Variants in SYT6 observed in about 807,000 individuals in gnomAD.
SYT6 encodes synaptotagmin 6.
In SYT6, 24 loss-of-function variants were observed where a neutral mutation model predicts 38.4. The ratio of observed to expected loss-of-function variants is 0.62; its 90% CI spans 0.45 to 0.88. The LOEUF (loss-of-function observed/expected upper bound fraction) is 0.88. Among genes scored for constraint, SYT6 ranks in the 40% least tolerant of loss-of-function variants. The pLI is 0.00. For synonymous variants in SYT6, 265 were observed against 241.9 expected (o/e 1.10, Z -0.89); for missense variants, 611 against 621.0 (o/e 0.98, Z 0.17).
intron 1 of SYT6, chr1:114,153,075 G>A (rs929318251): frequency 2.1e-5 from 3 of 141,860 alleles, no homozygotes; most frequent in Non-Finnish European, 3.1e-5. Flanking sequence ...GAGACACCCG[G>A]ACACAAAGAC....
In SYT6 at chr1:114,153,670, C is replaced by G. The variant is rs1046872220; in HGVS notation, c.103G>C (p.Glu35Gln). The G allele has an allele frequency of 8.2e-5, 55 of 670,484 alleles. 5 individuals are homozygous for G. The highest frequency in any genetic ancestry group is 3.8e-5 in the African/African-American group (2 of 52,894). 41.5% of individuals were successfully genotyped at this position (670,484 alleles called of 1,614,324 possible). A position where few individuals can be genotyped will look rare whatever the true frequency, so the allele number is the denominator to read the frequency against. Reference sequence around the variant, plus strand: ...TGCAGCTCGAAGCTCCGACAAGTCTCCACGTCCAGCCCGAGAGGGGGCGGC... The same window carrying G: ...TGCAGCTCGAAGCTCCGACAAGTCTGCACGTCCAGCCCGAGAGGGGGCGGC... ...ARPPPLGLDV[E>Q]TCRSFELQPP... The change falls in exon 1 of 8, where the codon GAG (glutamate) becomes CAG (glutamine). Residue 35 changes from glutamate to glutamine, a missense_variant. Glu to Gln is a conservative substitution (Grantham distance 29). Coordinates refer to ENST00000610222, the MANE Select transcript of SYT6 (RefSeq NM_001253772.2).
chr1:114,111,265 C>T (rs573307987), intron 3 of SYT6, among the ~76,000 whole-genome samples: 2 of 152,288 alleles, frequency 1.3e-5, no homozygotes, highest in South Asian at 2.1e-4. Flanking sequence ...AGTGCTTATA[C>T]GTATGATGTC....
chr1:114,135,311 A>T (rs915933628), intron 3 of SYT6, among the ~76,000 whole-genome samples: 2 of 152,080 alleles, frequency 1.3e-5, no homozygotes, highest in South Asian at 2.1e-4. Flanking sequence ...AACTCTAAGG[A>T]TCCTGCAACC....
intron 3 of SYT6, among the ~76,000 whole-genome samples, chr1:114,119,335 C>G (rs1217787159): frequency 6.6e-6 from 1 of 152,196 alleles, no homozygotes; most frequent in African/African-American, 2.4e-5. Context: ...GGATGCAAGG[C>G]CAGGGTTCAG....
chr1:114,146,350 T>C (rs1005446002), intron 1 of SYT6, among the ~76,000 whole-genome samples: 3 of 152,216 alleles, frequency 2.0e-5, no homozygotes, highest in Admixed American at 1.3e-4. Flanking sequence ...GCTGTAGGCT[T>C]CTGTACAGCC....
chr1:114,114,711 C>T (rs535664312), intron 3 of SYT6, among the ~76,000 whole-genome samples: 39 of 152,306 alleles, frequency 2.6e-4, no homozygotes, highest in African/African-American at 7.2e-4. Context: ...AGCCTCAGTT[C>T]GTGATATAAG....
chr1:114,117,835 C>G lies in SYT6; in HGVS notation c.1072-14114G>C, dbSNP rs954472099. On this transcript the variant is annotated intron_variant, in intron 3 of 7. Coordinates refer to ENST00000610222, the MANE Select transcript of SYT6 (RefSeq NM_001253772.2). The stretch of plus-strand genomic sequence containing the variant: ...CCTCCCTGAGCTGTGCATCCTCAGC[C>G]GTAAAATGAGAGCATTGTACCAGAT... Among the ~76,000 whole-genome samples the G allele has an allele frequency of 2.6e-5, 4 of 152,140 alleles. 1 individual carries two copies. The highest frequency in any genetic ancestry group is 9.7e-5 in the African/African-American group (4 of 41,426).
chr1:114,102,951 G>T (rs1676055684), intron 4 of SYT6, among the ~76,000 whole-genome samples: 1 of 152,196 alleles, frequency 6.6e-6, no homozygotes, highest in Non-Finnish European at 1.5e-5. Context: ...CGTCCATCCT[G>T]CAGGTCTCTG....
chr1:114,109,952 G>A (rs1242356953), intron 3 of SYT6, among the ~76,000 whole-genome samples: 1 of 152,178 alleles, frequency 6.6e-6, no homozygotes, highest in Non-Finnish European at 1.5e-5. Flanking sequence ...CACAGAAGGG[G>A]CAGGGAGTGT....
intron 1 of SYT6, among the ~76,000 whole-genome samples, chr1:114,145,590 G>A (rs1418935756): frequency 6.7e-6 from 1 of 150,268 alleles, no homozygotes; most frequent in African/African-American, 2.5e-5. Context: ...TTATCCTAGT[G>A]GGCTCACCAG....
chr1:114,138,322 T>C (rs1213667010), intron 2 of SYT6, among the ~76,000 whole-genome samples: 1 of 151,740 alleles, frequency 6.6e-6, no homozygotes. Flanking sequence ...TCATAATCAC[T>C]TTTTCCTGCT....
At chr1:114,142,313 G>A (rs957825891) in intron 1 of SYT6, among the ~76,000 whole-genome samples, 2 of 152,184 alleles carry the variant, frequency 1.3e-5, no homozygotes, top group Admixed American at 6.5e-5. Flanking sequence ...GGCTTTGAGG[G>A]GTTCAAGACC....
chr1:114,107,005 A>C (rs1676364410), intron 3 of SYT6, among the ~76,000 whole-genome samples: 2 of 152,300 alleles, frequency 1.3e-5, no homozygotes, highest in Admixed American at 6.5e-5. Context: ...GTGGTTCTTC[A>C]CGCAGTGTTA....
intron 4 of SYT6, 137 bp from the exon 5 acceptor site, chr1:114,099,402 A>G: frequency 1.2e-6 from 1 of 828,850 alleles, no homozygotes. Flanking sequence ...TAAAATAATT[A>G]AACCACCTTG....
chr1:114,137,846 A>G lies in SYT6; in HGVS notation c.720T>C (p.Asp240=). 2 of 1,613,958 alleles carry G rather than the reference A, an allele frequency of 1.2e-6. No individual in the cohort carries two copies. Among genetic ancestry groups the G allele is most frequent in the Middle Eastern group, 3.3e-4 (2 of 6,062 alleles). Reference sequence around the variant, plus strand: ...GCACAATCAGGGTCTCGGTCTCGTAATCGTAGCGTAGGCTGAAGTTGATCT... The same window carrying G: ...GCACAATCAGGGTCTCGGTCTCGTAGTCGTAGCGTAGGCTGAAGTTGATCT... ...CGKINFSLRY[D]YETETLIVRI... is the part of the protein sequence containing the mutation. Residue 240 remains aspartate (D), a synonymous_variant, in exon 3 of 8, where the codon GAT becomes GAC. Transcript: ENST00000610222.
intron 3 of SYT6, among the ~76,000 whole-genome samples, chr1:114,130,313 C>T (rs1053720392): frequency 2.0e-5 from 3 of 152,258 alleles, no homozygotes; most frequent in Non-Finnish European, 4.4e-5. Flanking sequence ...ACTTTGTTGA[C>T]TGCTGCATCC....
intron 3 of SYT6, among the ~76,000 whole-genome samples, chr1:114,126,165 C>A (rs1396896310): frequency 2.0e-5 from 3 of 152,168 alleles, no homozygotes; most frequent in Non-Finnish European, 4.4e-5. Flanking sequence ...GACTCCCAAC[C>A]ACCCCAAGCA....
rs1463597301 is a variant in SYT6, at chr1:114,153,765, C to G, written c.8G>C (p.Gly3Ala). 1 of 679,330 alleles carries G rather than the reference C, an allele frequency of 1.5e-6. No individual in the cohort carries two copies. The highest frequency in any genetic ancestry group is 2.7e-6 in the Non-Finnish European group (1 of 375,598). The allele number at this position is 679,330 out of a possible 1,614,324, so 42.1% of individuals were successfully genotyped here. ...CCGAGGCCCGCCGGCCCCCCACACTCCGCTCATGCCCTAGACACCCAGGCT... is the reference window on the plus strand; with the variant it reads ...CCGAGGCCCGCCGGCCCCCCACACTGCGCTCATGCCCTAGACACCCAGGCT... Reference protein sequence around the residue: MSGVWGAGGPRCQ... With the variant: MSAVWGAGGPRCQ... The change falls in exon 1 of 8, where the codon GGA becomes GCA. Residue 3 changes from glycine (G) to alanine (A), a missense_variant. Physicochemically the swap from Gly to Ala is moderately conservative, Grantham distance 60. Coordinates refer to ENST00000610222, the MANE Select transcript of SYT6 (RefSeq NM_001253772.2).
intron 4 of SYT6, among the ~76,000 whole-genome samples, chr1:114,099,737 T>C (rs1339064822): frequency 1.3e-5 from 2 of 152,128 alleles, no homozygotes; most frequent in Non-Finnish European, 2.9e-5. Flanking sequence ...GGGGTAAAAA[T>C]AGGACTCAAC....
Sources: allele counts gnomAD v4.1 joint callset (sites outside exome capture counted in the v4.1 genomes callset), GRCh38; gene constraint gnomAD v4.1.1; transcripts MANE v1.5; gene names NCBI Gene and HGNC (gene_info 2026-07-23, HGNC 2026-07-21).